Variants in LOC400499 observed in about 807,000 individuals in gnomAD.
At chr16:11,430,029 T>C in the LOC400499 span, among the ~76,000 whole-genome samples, 1 of 152,188 alleles carries the variant, frequency 6.6e-6, no homozygotes, top group Non-Finnish European at 1.5e-5. Context: ...TCAAAGCTAA[T>C]GTCACCAACG....
chr16:11,516,524 C>T, the LOC400499 span, among the ~76,000 whole-genome samples: 42 of 152,246 alleles, frequency 2.8e-4, no homozygotes, highest in African/African-American at 7.0e-4. Flanking sequence ...CTTTTCACCC[C>T]GGGACAAATG....
the LOC400499 span, among the ~76,000 whole-genome samples, chr16:11,420,006 C>G: frequency 6.6e-6 from 1 of 150,382 alleles, no homozygotes; most frequent in Non-Finnish European, 1.5e-5. Flanking sequence ...GGACTGTAAA[C>G]TAGTTCAACC....
At chr16:11,466,088 G>C in the LOC400499 span, among the ~76,000 whole-genome samples, 1 of 152,090 alleles carries the variant, frequency 6.6e-6, no homozygotes, top group African/African-American at 2.4e-5. Flanking sequence ...CCATTCCACG[G>C]ACTATTACAC....
At chr16:11,466,656 T>C in the LOC400499 span, among the ~76,000 whole-genome samples, 2 of 152,172 alleles carry the variant, frequency 1.3e-5, no homozygotes, top group Non-Finnish European at 2.9e-5. Context: ...CCCAAAGTGC[T>C]GGGATTATAG....
chr16:11,399,088 G>T, the LOC400499 span: 1 of 447,950 alleles, frequency 2.2e-6, no homozygotes, highest in Non-Finnish European at 3.0e-6. Context: ...AAGCTCTGCA[G>T]AACAGTGCTC....
At chr16:11,475,528 G>C in the LOC400499 span, 1 of 396,726 alleles carries the variant, frequency 2.5e-6, no homozygotes, top group Non-Finnish European at 4.4e-6. Flanking sequence ...ATACTTTTAG[G>C]GCAGGAGAGC....
chr16:11,446,699 T>C, the LOC400499 span: 1 of 1,532,416 alleles, frequency 6.5e-7, no homozygotes. Flanking sequence ...AGCTGGGGCC[T>C]TCCTCTGGCT....
chr16:11,479,294 T>C, the LOC400499 span, among the ~76,000 whole-genome samples: 1 of 152,066 alleles, frequency 6.6e-6, no homozygotes, highest in Non-Finnish European at 1.5e-5. Context: ...AAGGTTTTAT[T>C]TTAGGATAAT....
the LOC400499 span, chr16:11,461,113 A>G: frequency 6.5e-7 from 1 of 1,534,968 alleles, no homozygotes; most frequent in Non-Finnish European, 8.7e-7. Context: ...CTTCCTCTCC[A>G]GCAGTGCTGC....
At chr16:11,493,720 G>A in the LOC400499 span, 2 of 396,674 alleles carry the variant, frequency 5.0e-6, no homozygotes, top group East Asian at 3.6e-5. Context: ...TCTCAGAGAT[G>A]CACAGGCACT....
At chr16:11,484,220 G>T in the LOC400499 span, among the ~76,000 whole-genome samples, 3 of 152,026 alleles carry the variant, frequency 2.0e-5, no homozygotes, top group African/African-American at 7.2e-5. Flanking sequence ...TGTAAGCCAG[G>T]ATGGTCTTGA....
chr16:11,457,176 T>A, the LOC400499 span: 1 of 788,636 alleles, frequency 1.3e-6, no homozygotes, highest in Non-Finnish European at 1.9e-6. Context: ...TGGAACGCAG[T>A]CCAAAAAAAC....
At chr16:11,384,099 C>T in the LOC400499 span, 281 of 1,228,826 alleles carry the variant, frequency 2.3e-4, no homozygotes, top group Non-Finnish European at 2.7e-4. Flanking sequence ...CCCCCAAACC[C>T]TGGGCCTACG....
the LOC400499 span, among the ~76,000 whole-genome samples, chr16:11,520,425 G>C: frequency 3.3e-5 from 5 of 152,180 alleles, no homozygotes; most frequent in African/African-American, 1.2e-4. Flanking sequence ...GGGAGGCCGA[G>C]GTGGGCAGAT....
At chr16:11,471,963 G>C in the LOC400499 span, 3 of 397,272 alleles carry the variant, frequency 7.6e-6, no homozygotes, top group Non-Finnish European at 1.3e-5. Context: ...ACTCCTGTGA[G>C]GCAGTGGTGT....
chr16:11,484,493 T>C, the LOC400499 span, among the ~76,000 whole-genome samples: 2 of 152,102 alleles, frequency 1.3e-5, no homozygotes, highest in Non-Finnish European at 2.9e-5. Flanking sequence ...TTTTAAAAAG[T>C]AGAACAAACT....
chr16:11,489,659 T>C, the LOC400499 span, among the ~76,000 whole-genome samples: 1 of 152,152 alleles, frequency 6.6e-6, no homozygotes, highest in African/African-American at 2.4e-5. Flanking sequence ...CACTGGACAA[T>C]ATATCAGGTG....
the LOC400499 span, among the ~76,000 whole-genome samples, chr16:11,419,559 G>A: frequency 2.0e-5 from 3 of 152,098 alleles, no homozygotes; most frequent in African/African-American, 7.2e-5. Context: ...TTCATGTCTA[G>A]AACACCAAAA....
At chr16:11,507,519 A>G in the LOC400499 span, among the ~76,000 whole-genome samples, 31 of 152,216 alleles carry the variant, frequency 2.0e-4, no homozygotes, top group Non-Finnish European at 4.4e-4. Context: ...TTCAAGCTTC[A>G]GTTTCCTCAT....
Sources: allele counts gnomAD v4.1 joint callset (sites outside exome capture counted in the v4.1 genomes callset), GRCh38; gene constraint gnomAD v4.1.1; transcripts MANE v1.5.